The following SLC17A4 variants were observed in gnomAD, a reference collection of about 807,000 sequenced individuals.
SLC17A4 encodes the protein probable small intestine urate exporter.
A neutral mutation model predicts 52.5 loss-of-function variants in SLC17A4; 33 were observed. The ratio of observed to expected loss-of-function variants is 0.63; its 90% CI spans 0.48 to 0.84. The LOEUF (loss-of-function observed/expected upper bound fraction) is 0.84. Among genes scored for constraint, SLC17A4 ranks in the 40% least tolerant of loss-of-function variants. The pLI is 0.00. For missense variants in SLC17A4, 585 were observed against 597.1 expected, an observed-to-expected ratio of 0.98 and a Z score of 0.21; for synonymous variants, 225 against 216.2, an observed-to-expected ratio of 1.04 and a Z score of -0.36.
In SLC17A4 at chr6:25,780,115, G is replaced by C. The variant is rs1763227196; in HGVS notation, c.*927G>C. ...GCCCTAACCTCACTCCAAATGTCTG[G>C]AGAAATGTGTGTAGTGCTTTTGTTA... On this transcript the variant is annotated 3_prime_UTR_variant, in exon 12 of 12. Coordinates refer to ENST00000377905, the MANE Select transcript of SLC17A4 (RefSeq NM_005495.3). The C allele has an allele frequency of 6.6e-6, 1 of 152,156 alleles. No individual in the cohort carries two copies. The highest frequency in any genetic ancestry group is 6.5e-5 in the Admixed American group (1 of 15,272). The allele number at this position is 152,156 out of a possible 1,614,324, so 9.4% of individuals were successfully genotyped here.
At chr6:25,766,703 G>T (rs966555549) in intron 2 of SLC17A4, among the ~76,000 whole-genome samples, 12 of 152,128 alleles carry the variant, frequency 7.9e-5, no homozygotes, top group Non-Finnish European at 1.8e-4. Context: ...CTAATCATGA[G>T]AAAAATATCA....
chr6:25,773,803 G>C (rs1179618148), intron 8 of SLC17A4, 129 bp downstream of exon 8: 1 of 847,710 alleles, frequency 1.2e-6, no homozygotes, highest in African/African-American at 1.7e-5. Flanking sequence ...CCTCCATATA[G>C]GAAATGCAAT....
chr6:25,779,103 A>G lies in SLC17A4; in HGVS notation c.1409A>G (p.Asn470Ser). 1 of 1,613,908 alleles carries G rather than the reference A, an allele frequency of 6.2e-7. No homozygotes were observed. Among genetic ancestry groups the G allele is most frequent in the Non-Finnish European group, 8.5e-7 (1 of 1,179,822 alleles). The change falls in exon 12 of 12, where the codon AAC becomes AGC. Residue 470 changes from asparagine (N) to serine (S), a missense_variant. Physicochemically the swap from Asn to Ser is conservative, Grantham distance 46. Coordinates refer to ENST00000377905, the MANE Select transcript of SLC17A4 (RefSeq NM_005495.3). Reference sequence around the variant, plus strand: ...GTCTTCTTGCTTTCAGCTGCTGTTAACATATCGGGCCTGGTTTTCTACCTC... The same window carrying G: ...GTCTTCTTGCTTTCAGCTGCTGTTAGCATATCGGGCCTGGTTTTCTACCTC... ...RNVFLLSAAV[N>S]ISGLVFYLIF...
In SLC17A4 at chr6:25,776,829, G is replaced by T; in HGVS notation, c.1138G>T (p.Val380Leu). ...TACCCCAGGGGTTCTCTTCCCATCC[G>T]TGATCCTCGTGTCCCTGCCCTGGGT... The part of the protein sequence containing the change: ...FTAIGVLFPS[V>L]ILVSLPWVRS... Residue 380 changes from valine (V) to leucine (L), a missense_variant, in exon 10 of 12, where the codon GTG becomes TTG. Coordinates refer to ENST00000377905, the MANE Select transcript of SLC17A4 (RefSeq NM_005495.3). 1 of 1,613,956 alleles carries T rather than the reference G, an allele frequency of 6.2e-7. No individual in the cohort carries two copies. Among genetic ancestry groups the T allele is most frequent in the Admixed American group, 1.7e-5 (1 of 59,988 alleles).
intron 8 of SLC17A4, among the ~76,000 whole-genome samples, chr6:25,776,010 A>G (rs1762883948): frequency 6.6e-6 from 1 of 152,126 alleles, no homozygotes; most frequent in South Asian, 2.1e-4. Context: ...TCTGTGGAGT[A>G]AATTTCTGCA....
chr6:25,771,163 G>A (rs1762449490), intron 6 of SLC17A4, 151 bp downstream of exon 6: 2 of 668,154 alleles, frequency 3.0e-6, no homozygotes, highest in African/African-American at 1.8e-5. Flanking sequence ...TTAAGTTTCA[G>A]CAGCCCGAGT....
intron 8 of SLC17A4, among the ~76,000 whole-genome samples, chr6:25,774,585 A>G (rs570547841): frequency 6.6e-6 from 1 of 152,316 alleles, no homozygotes; most frequent in Middle Eastern, 3.4e-3. Flanking sequence ...ATTAAACCAG[A>G]ACCTTAATCC....
chr6:25,759,631 C>T (rs577236303), intron 1 of SLC17A4, among the ~76,000 whole-genome samples: 17 of 152,160 alleles, frequency 1.1e-4, no homozygotes, highest in East Asian at 5.8e-4. Context: ...CCAGCCTGGG[C>T]GGCAGAGTGA....
At chr6:25,771,403 G>C (rs1025607738) in intron 6 of SLC17A4, among the ~76,000 whole-genome samples, 1 of 151,742 alleles carries the variant, frequency 6.6e-6, no homozygotes, top group African/African-American at 2.4e-5. Context: ...GTTAAACCCC[G>C]TCTCTACTAA....
chr6:25,764,302 T>G (rs1423494485), intron 2 of SLC17A4, among the ~76,000 whole-genome samples: 1 of 152,132 alleles, frequency 6.6e-6, no homozygotes, highest in African/African-American at 2.4e-5. Flanking sequence ...GGAAAGGCAC[T>G]GAGAACAATA....
chr6:25,761,465 T>C (rs1761523227), intron 1 of SLC17A4, among the ~76,000 whole-genome samples: 1 of 152,230 alleles, frequency 6.6e-6, no homozygotes, highest in Non-Finnish European at 1.5e-5. Flanking sequence ...TCTAACTCGG[T>C]GGAGATATCT....
rs1365056651 is a variant in SLC17A4 at position 25,781,179 on chromosome 6, AG to A, written c.*1992del. 2.3e-4 allele frequency: 1 copy of A among 4,338 alleles called. No individual in the cohort carries two copies. Among genetic ancestry groups the A allele is most frequent in the Non-Finnish European group, 1.2e-3 (1 of 822 alleles). 0.3% of individuals were successfully genotyped at this position (4,338 alleles called of 1,614,324 possible). A position where few individuals can be genotyped will look rare whatever the true frequency, so the allele number is the denominator to read the frequency against. ...GTCAGCTGGAGGATGATTAGCAGAA[AG>A]AAAGAAAGAAAGAAAGAAAGAAAAG... On this transcript the variant is annotated 3_prime_UTR_variant, in exon 12 of 12. Transcript: ENST00000377905.
Position 25,780,185 on chromosome 6 carries a change from C to T in SLC17A4, c.*997C>T, listed in dbSNP as rs1763230158. On this transcript the variant is annotated 3_prime_UTR_variant, in exon 12 of 12. Transcript: ENST00000377905. ...ATGGAGGATCATAAGATAGCAAAAC[C>T]ATTTCAACACTAAATGAATATTAAT... 1 of 152,168 alleles carries T rather than the reference C, an allele frequency of 6.6e-6. No homozygotes were observed. The highest frequency in any genetic ancestry group is 2.1e-4 in the South Asian group (1 of 4,828). The allele number at this position is 152,168 out of a possible 1,614,324, so 9.4% of individuals were successfully genotyped here.
intron 1 of SLC17A4, among the ~76,000 whole-genome samples, chr6:25,760,363 G>A (rs7770037): frequency 0.3 from 45,332 of 151,920 alleles, 7,740 homozygotes; most frequent in East Asian, 0.74. Flanking sequence ...CTCCCCTTCT[G>A]TAAGTGATCT....
rs970712794 is a variant in SLC17A4 at position 25,770,286 on chromosome 6, C to A, written c.517C>A (p.Gln173Lys). 14 of 1,613,964 alleles carry A rather than the reference C, an allele frequency of 8.7e-6. No homozygotes were observed. The highest frequency in any genetic ancestry group is 1.2e-5 in the Non-Finnish European group (14 of 1,179,978). ...VALLIVLRIVQGIAQVMVLTG... is the reference protein window; with the variant it reads ...VALLIVLRIVKGIAQVMVLTG... ...CTTGCTCATTGTCCTCCGGATTGTA[C>A]AAGGCATAGCCCAGGTACCAAGATG... The change falls in exon 4 of 12, where the codon CAA (glutamine) becomes AAA (lysine). Residue 173 changes from glutamine to lysine, a missense_variant. By Grantham distance (53) the Gln-to-Lys change is moderately conservative. Transcript: ENST00000377905.
intron 2 of SLC17A4, among the ~76,000 whole-genome samples, chr6:25,762,702 A>G (rs1037622413): frequency 6.6e-6 from 1 of 152,214 alleles, no homozygotes; most frequent in Non-Finnish European, 1.5e-5. Context: ...GTTAAGAATT[A>G]TGCATATCTT....
chr6:25,772,318 A>T (rs1481429254), intron 6 of SLC17A4, among the ~76,000 whole-genome samples: 1 of 152,144 alleles, frequency 6.6e-6, no homozygotes, highest in Non-Finnish European at 1.5e-5. Context: ...CAACATTGCT[A>T]ATTTTCATAT....
At chr6:25,769,827 C>T (rs1394317030) in intron 3 of SLC17A4, among the ~76,000 whole-genome samples, 1 of 151,410 alleles carries the variant, frequency 6.6e-6, no homozygotes, top group Non-Finnish European at 1.5e-5. Flanking sequence ...TCTTTATAGT[C>T]TTTGTTTCTT....
In SLC17A4 at chr6:25,779,299, T is replaced by G; in HGVS notation, c.*111T>G. On this transcript the variant is annotated 3_prime_UTR_variant, in exon 12 of 12. Transcript: ENST00000377905. ...GATAAGCCATTAGCTAGACCCTGAC[T>G]ATGTAACGCTAAAGATTTTACCATG... is the stretch of plus-strand genomic sequence containing the variant. 7.0e-7 allele frequency: 1 copy of G among 1,424,488 alleles called. No homozygotes were observed. The highest frequency in any genetic ancestry group is 9.5e-7 in the Non-Finnish European group (1 of 1,053,450). The allele number at this position is 1,424,488 out of a possible 1,614,324, so 88.2% of individuals were successfully genotyped here. A position where few individuals can be genotyped will look rare whatever the true frequency, so the allele number is the denominator to read the frequency against.
Sources: allele counts gnomAD v4.1 joint callset (sites outside exome capture counted in the v4.1 genomes callset), GRCh38; gene constraint gnomAD v4.1.1; transcripts MANE v1.5; gene names NCBI Gene and HGNC (gene_info 2026-07-23, HGNC 2026-07-21).